Variants in DIAPH3 observed in about 807,000 individuals in gnomAD.
DIAPH3 encodes protein diaphanous homolog 3.
In DIAPH3, 117 loss-of-function variants were observed where a neutral mutation model predicts 144.3. The ratio of observed to expected loss-of-function variants is 0.81; its 90% confidence interval spans 0.70 to 0.95. The LOEUF is 0.95. Among genes scored for constraint, DIAPH3 ranks in the 40% least tolerant of loss-of-function variants. DIAPH3 has a pLI of 0.00. For missense variants in DIAPH3, 1,421 were observed against 1,412.7 expected (o/e 1.01, Z -0.09); for synonymous variants, 519 against 488.9 (o/e 1.06, Z -0.81).
At chr13:59,943,186 G>T (rs1303798756) in intron 17 of DIAPH3, among the ~76,000 whole-genome samples, 1 of 152,118 alleles carries the variant, frequency 6.6e-6, no homozygotes, top group African/African-American at 2.4e-5. Flanking sequence ...TATTTTGGCA[G>T]TTTATTTCTT....
In DIAPH3 at chr13:60,015,996, A is replaced by T. The variant is rs1306655877; in HGVS notation, c.702-14T>A. The T allele has an allele frequency of 1.2e-6, 2 of 1,612,060 alleles. No individual in the cohort carries two copies. The highest frequency in any genetic ancestry group is 1.3e-5 in the African/African-American group (1 of 74,874). On this transcript the variant is annotated splice_polypyrimidine_tract_variant and intron_variant, in intron 6 of 27. Coordinates refer to ENST00000400324, the MANE Select transcript of DIAPH3 (RefSeq NM_001042517.2). Reference sequence around the variant, plus strand: ...ACTTTTTCTTGGCTGTATTGACATAAAAAATAGCAGTGTTGGAATTATAAT... The same window carrying T: ...ACTTTTTCTTGGCTGTATTGACATATAAAATAGCAGTGTTGGAATTATAAT...
intron 17 of DIAPH3, among the ~76,000 whole-genome samples, chr13:59,965,938 A>G (rs2050024674): frequency 6.6e-6 from 1 of 152,162 alleles, no homozygotes; most frequent in African/African-American, 2.4e-5. Flanking sequence ...GGTATGAAAG[A>G]GGAGGTATGA....
chr13:60,045,461 G>A (rs1468502470), intron 4 of DIAPH3, among the ~76,000 whole-genome samples: 1 of 152,134 alleles, frequency 6.6e-6, no homozygotes, highest in Non-Finnish European at 1.5e-5. Flanking sequence ...GATACCTATT[G>A]TTCTATAGGC....
intron 5 of DIAPH3, 70 bp downstream of exon 5, chr13:60,042,619 GA>G (rs1318512794): frequency 5.0e-6 from 8 of 1,590,794 alleles, no homozygotes; most frequent in Non-Finnish European, 6.9e-6. Flanking sequence ...CAGGCAAAAT[GA>G]AAAAAAGTAT....
intron 18 of DIAPH3, among the ~76,000 whole-genome samples, chr13:59,917,027 A>C (rs2047255444): frequency 6.6e-6 from 1 of 152,194 alleles, no homozygotes; most frequent in Non-Finnish European, 1.5e-5. Context: ...TTGTACTATT[A>C]TGTTTTTACA....
chr13:60,014,964 T>C (rs2053533384), intron 7 of DIAPH3, among the ~76,000 whole-genome samples: 2 of 122,720 alleles, frequency 1.6e-5, no homozygotes, highest in African/African-American at 6.1e-5. Flanking sequence ...TCTTTTTTTC[T>C]AGTTTTTTTG....
At position 60,009,759 on chromosome 13, in the gene DIAPH3, A is replaced by T. The variant is rs1008376553; in HGVS notation, c.908+774T>A. On this transcript the variant is annotated intron_variant, in intron 8 of 27. Coordinates refer to ENST00000400324, the MANE Select transcript of DIAPH3 (RefSeq NM_001042517.2). The stretch of plus-strand genomic sequence containing the variant: ...GCTCAATCCCACCAACTCCAGCAGG[A>T]CCTCCACAAGGCTGATTTTCAAACG... Among the ~76,000 whole-genome samples, 2 of 152,082 alleles carry T rather than the reference A, an allele frequency of 1.3e-5. 1 individual carries two copies. Among genetic ancestry groups the T allele is most frequent in the South Asian group, 4.1e-4 (2 of 4,820 alleles).
intron 3 of DIAPH3, among the ~76,000 whole-genome samples, chr13:60,096,450 T>C (rs886598489): frequency 4.6e-5 from 7 of 152,166 alleles, no homozygotes; most frequent in African/African-American, 7.2e-5. Flanking sequence ...GTTGTGATTG[T>C]TATTTTTGGG....
intron 9 of DIAPH3, among the ~76,000 whole-genome samples, chr13:60,006,093 A>G (rs988389298): frequency 6.6e-6 from 1 of 152,140 alleles, no homozygotes; most frequent in African/African-American, 2.4e-5. Context: ...TTACCCCCTA[A>G]ATTTTTTAAA....
At chr13:60,129,671 G>C (rs570249755) in intron 2 of DIAPH3, among the ~76,000 whole-genome samples, 14 of 152,240 alleles carry the variant, frequency 9.2e-5, no homozygotes, top group African/African-American at 3.1e-4. Flanking sequence ...CCAAAAAAAA[G>C]GCTATTCACA....
chr13:60,158,282 A>G (rs1184805449), intron 1 of DIAPH3, among the ~76,000 whole-genome samples: 2 of 152,210 alleles, frequency 1.3e-5, no homozygotes, highest in African/African-American at 4.8e-5. Flanking sequence ...TTTACAGAGC[A>G]AAGACATCTT....
intron 5 of DIAPH3, among the ~76,000 whole-genome samples, chr13:60,040,476 C>T (rs2055577135): frequency 6.6e-6 from 1 of 151,992 alleles, no homozygotes. Context: ...CATAATTTCC[C>T]AGTGTTTTTA....
chr13:59,980,051 T>C (rs1357912476), intron 14 of DIAPH3, among the ~76,000 whole-genome samples: 1 of 151,666 alleles, frequency 6.6e-6, no homozygotes, highest in African/African-American at 2.4e-5. Flanking sequence ...ATTTATATCC[T>C]ACTGCTTAAG....
At position 59,666,608 on chromosome 13, in the gene DIAPH3, C is replaced by A. The variant is rs752894201; in HGVS notation, c.3558G>T (p.Leu1186=). ...CTTATAAAGCTCGTAATCTTGCCAG[C>A]AGGGCTTCAACTTCGGGAACTGATT... is the stretch of plus-strand genomic sequence containing the variant. ...KNESVPEVEA[L]LARLRAL is the part of the protein sequence containing the mutation. Residue 1186 remains leucine (L), a synonymous_variant, in exon 28 of 28, where the codon CTG becomes CTT. Transcript: ENST00000400324. 4.3e-6 allele frequency: 7 copies of A among 1,613,942 alleles called. No homozygotes were observed. The East Asian group carries it at 1.6e-4, about 36-fold the overall frequency.
chr13:60,074,964 G>A (rs1329674469), intron 4 of DIAPH3, among the ~76,000 whole-genome samples: 1 of 152,014 alleles, frequency 6.6e-6, no homozygotes, highest in African/African-American at 2.4e-5. Flanking sequence ...ATCTTTATAT[G>A]TTCAAGCTAT....
intron 25 of DIAPH3, among the ~76,000 whole-genome samples, chr13:59,781,391 A>G (rs73541180): frequency 0.017 from 2,642 of 152,340 alleles, 59 homozygotes; most frequent in African/African-American, 0.044. Context: ...TTAGAAAGAG[A>G]CTGCAAGATG....
intron 17 of DIAPH3, among the ~76,000 whole-genome samples, chr13:59,959,993 A>G (rs2049649947): frequency 6.6e-6 from 1 of 152,198 alleles, no homozygotes; most frequent in Non-Finnish European, 1.5e-5. Flanking sequence ...TTCTAGGACC[A>G]CCAACCACCA....
At chr13:59,935,145 A>T (rs1361066508) in intron 17 of DIAPH3, among the ~76,000 whole-genome samples, 1 of 152,202 alleles carries the variant, frequency 6.6e-6, no homozygotes, top group Admixed American at 6.5e-5. Context: ...CACAGACTGA[A>T]ACTACAGTAT....
At chr13:59,880,978 CAA>C (rs77481523) in intron 20 of DIAPH3, among the ~76,000 whole-genome samples, 6 of 64,790 alleles carry the variant, frequency 9.3e-5, no homozygotes, top group East Asian at 3.4e-4. Flanking sequence ...CAACAAGGAC[CAA>C]AAAAAAAAAA....
Sources: gnomAD v4.1 joint callset for allele counts (sites outside exome capture counted in the v4.1 genomes callset) on GRCh38, gnomAD v4.1.1 for gene constraint, MANE v1.5 for transcripts, NCBI Gene and HGNC (gene_info 2026-07-23, HGNC 2026-07-21) for gene names.